PIEZO1: variants seen among roughly 807,000 people sequenced by gnomAD.
PIEZO1 encodes the protein piezo type mechanosensitive ion channel component 1 (Er blood group).
Under a neutral mutation model 297.2 loss-of-function variants are expected in PIEZO1, and 296 were observed. That is an observed-to-expected ratio of 1.00 (90% CI 0.91 to 1.10). The LOEUF (loss-of-function observed/expected upper bound fraction) is 1.10. Ranked by LOEUF, PIEZO1 falls within the 50% of genes least tolerant of loss-of-function variation. The pLI, the probability that PIEZO1 is intolerant of heterozygous loss-of-function variation, is 0.00. For missense variants in PIEZO1, 5,018 were observed against 3,455.5 expected, an observed-to-expected ratio of 1.45 and a Z score of -11.34; for synonymous variants, 2,427 against 1,507.5, an observed-to-expected ratio of 1.61 and a Z score of -14.13.
At position 88,735,268 on chromosome 16, in the gene PIEZO1, ACAGT is replaced by A. The variant is rs1361814282; in HGVS notation, c.1558-26_1558-23del. 4.6e-6 allele frequency: 7 copies of A among 1,517,278 alleles called. No homozygotes were observed. The African/African-American group carries it at 5.5e-5, about 12-fold the overall frequency. 94.0% of individuals were successfully genotyped at this position (1,517,278 alleles called of 1,614,324 possible). A position where few individuals can be genotyped will look rare whatever the true frequency, so the allele number is the denominator to read the frequency against. ...GCAACTGTGACAAGCGCAGGGTGTC[ACAGT>A]CAGCCGGGGGGCCCAGCACCCCTCC... On this transcript the variant is annotated intron_variant, in intron 12 of 50. Transcript: ENST00000301015.
chr16:88,775,726 CA>C (rs3052234), intron 1 of PIEZO1, among the ~76,000 whole-genome samples: 1,569 of 98,696 alleles, frequency 0.016, 31 homozygotes, highest in African/African-American at 0.066. Context: ...AAGACGCTGT[CA>C]AAAAAAAAAA....
At position 88,722,397 on chromosome 16, in the gene PIEZO1, A is replaced by T; in HGVS notation, c.4776T>A (p.Ser1592Arg). 1 of 1,493,866 alleles carries T rather than the reference A, an allele frequency of 6.7e-7. No individual in the cohort carries two copies. The highest frequency in any genetic ancestry group is 9.0e-7 in the Non-Finnish European group (1 of 1,117,274). The allele number at this position is 1,493,866 out of a possible 1,614,324, so 92.5% of individuals were successfully genotyped here. A position where few individuals can be genotyped will look rare whatever the true frequency, so the allele number is the denominator to read the frequency against. Residue 1592 changes from serine (S) to arginine (R), a missense_variant and splice_region_variant, in exon 36 of 51, where the codon AGT (serine) becomes AGA (arginine). Transcript: ENST00000301015. Reference protein sequence around the residue: ...EAPNAPSTVSSGLGAEEPLSS... With the variant: ...EAPNAPSTVSRGLGAEEPLSS... ...TGAGTGGCTCCTCCGCGCCCAGCCC[A>T]CTGGGGAGGGAAGCCGAGTCACAGA...
At position 88,733,400 on chromosome 16, in the gene PIEZO1, G is replaced by T; in HGVS notation, c.2542C>A (p.Pro848Thr). Residue 848 changes from proline (P) to threonine (T), a missense_variant, in exon 19 of 51, where the codon CCA (proline) becomes ACA (threonine). Physicochemically the swap from Pro to Thr is conservative, Grantham distance 38 (BLOSUM62 -1). Coordinates refer to ENST00000301015, the MANE Select transcript of PIEZO1 (RefSeq NM_001142864.4). ...CAGGAGGCCATGGGCCGGAAGCGTG[G>T]GTAGGGCAGGGCGAAGGCCCACAGC... ...VVLWAFALPY[P>T]RFRPMASCLS... The T allele has an allele frequency of 6.5e-7, 1 of 1,550,160 alleles. No homozygotes were observed.
rs117574352 is a variant in PIEZO1 at position 88,735,372 on chromosome 16, C to T, written c.1558-126G>A. 4.1e-4 allele frequency: 276 copies of T among 680,244 alleles called. 2 individuals carry two copies. In the East Asian group the frequency reaches 6.7e-3, roughly 17 times the overall value. 42.1% of individuals were successfully genotyped at this position (680,244 alleles called of 1,614,324 possible). A position where few individuals can be genotyped will look rare whatever the true frequency, so the allele number is the denominator to read the frequency against. On this transcript the variant is annotated intron_variant, in intron 12 of 50. Coordinates refer to ENST00000301015, the MANE Select transcript of PIEZO1 (RefSeq NM_001142864.4). ...AGGCGGCTGGCACCAGCCCATCCAC[C>T]GCAGCCTCCCCACAGGCACCGAACA...
At chr16:88,760,493 C>T (rs927747060) in intron 1 of PIEZO1, among the ~76,000 whole-genome samples, 4 of 152,274 alleles carry the variant, frequency 2.6e-5, no homozygotes, top group African/African-American at 9.6e-5. Flanking sequence ...CCTAGGAGAG[C>T]TTTGTCCAAA....
chr16:88,735,580 C>T (rs906822441), intron 12 of PIEZO1, among the ~76,000 whole-genome samples: 4 of 152,276 alleles, frequency 2.6e-5, no homozygotes, highest in South Asian at 2.1e-4. Flanking sequence ...TGCCCACATG[C>T]GTGCTCACAT....
rs1237168555 is a variant in PIEZO1 at position 88,741,861 on chromosome 16, G to T, written c.326+192C>A. On this transcript the variant is annotated intron_variant, in intron 4 of 50. Transcript: ENST00000301015. ...CCAGGTGCGGGTGGGAGTGTGGATG[G>T]GTCTCCAGGTGCGGGTGAGAGTGTG... is the stretch of plus-strand genomic sequence containing the variant. 3 of 244,706 alleles carry T rather than the reference G, an allele frequency of 1.2e-5. 1 individual carries two copies. The highest frequency in any genetic ancestry group is 2.5e-5 in the Non-Finnish European group (3 of 120,788). The allele number at this position is 244,706 out of a possible 1,614,324, so 15.2% of individuals were successfully genotyped here.
intron 1 of PIEZO1, among the ~76,000 whole-genome samples, chr16:88,771,661 A>T (rs887616701): frequency 6.6e-6 from 1 of 152,186 alleles, no homozygotes; most frequent in Non-Finnish European, 1.5e-5. Flanking sequence ...GGCCATAGGG[A>T]GGTGCTGGGT....
chr16:88,748,498 C>A (rs989351218), intron 2 of PIEZO1, among the ~76,000 whole-genome samples: 9 of 151,626 alleles, frequency 5.9e-5, no homozygotes, highest in African/African-American at 9.7e-5. Context: ...TCCCCCCCCC[C>A]CCCGCACAAG....
chr16:88,762,252 G>A (rs1404796116), intron 1 of PIEZO1, among the ~76,000 whole-genome samples: 2 of 150,702 alleles, frequency 1.3e-5, no homozygotes, highest in African/African-American at 4.9e-5. Context: ...GCTGAAGAAA[G>A]GGCCCCCGCT....
rs1332867825 is a variant in PIEZO1 at position 88,715,354 on chromosome 16, T to G, written c.*251A>C. 2 of 1,255,660 alleles carry G rather than the reference T, an allele frequency of 1.6e-6. No homozygotes were observed. The highest frequency in any genetic ancestry group is 2.8e-5 in the South Asian group (2 of 72,458). The allele number at this position is 1,255,660 out of a possible 1,614,324, so 77.8% of individuals were successfully genotyped here. A position where few individuals can be genotyped will look rare whatever the true frequency, so the allele number is the denominator to read the frequency against. ...GGACTGGCCTCTGATTGTCCATTTG[T>G]ATAAATAAAACATTTTTTAATTAAA... is the stretch of plus-strand genomic sequence containing the variant. On this transcript the variant is annotated 3_prime_UTR_variant, in exon 51 of 51. Coordinates refer to ENST00000301015, the MANE Select transcript of PIEZO1 (RefSeq NM_001142864.4).
chr16:88,744,891 G>A (rs914208780), intron 2 of PIEZO1, among the ~76,000 whole-genome samples: 2 of 152,180 alleles, frequency 1.3e-5, no homozygotes, highest in South Asian at 2.1e-4. Context: ...GGAGGGGGCC[G>A]GAACGTGCAG....
At position 88,723,165 on chromosome 16, in the gene PIEZO1, G is replaced by A; in HGVS notation, c.4439-14C>T. The A allele has an allele frequency of 1.3e-6, 2 of 1,549,424 alleles. No individual in the cohort carries two copies. ...TGGGACCACCTCCTGGGCACAGGAT[G>A]CTGGTGAGTGACTGGCAGTCCCGCG... On this transcript the variant is annotated splice_polypyrimidine_tract_variant and intron_variant, in intron 32 of 50. Coordinates refer to ENST00000301015, the MANE Select transcript of PIEZO1 (RefSeq NM_001142864.4).
At chr16:88,735,520 C>G (rs1456663626) in intron 12 of PIEZO1, among the ~76,000 whole-genome samples, 1 of 152,284 alleles carries the variant, frequency 6.6e-6, no homozygotes, top group African/African-American at 2.4e-5. Flanking sequence ...CACGTGGGCA[C>G]AGATCCATGC....
At position 88,732,854 on chromosome 16, in the gene PIEZO1, G is replaced by A. The variant is rs950453655; in HGVS notation, c.2665-122C>T. 68 of 1,034,614 alleles carry A rather than the reference G, an allele frequency of 6.6e-5. 1 individual carries two copies. The highest frequency in any genetic ancestry group is 1.0e-4 in the South Asian group (6 of 58,960). The allele number at this position is 1,034,614 out of a possible 1,614,324, so 64.1% of individuals were successfully genotyped here. A position where few individuals can be genotyped will look rare whatever the true frequency, so the allele number is the denominator to read the frequency against. On this transcript the variant is annotated intron_variant, in intron 19 of 50. Transcript: ENST00000301015. Reference sequence around the variant, plus strand: ...CTGCTCCCCAGCCAGGGACACGGGGGCTGCCAGCCTTGGAGCCACCTTCAC... The same window carrying A: ...CTGCTCCCCAGCCAGGGACACGGGGACTGCCAGCCTTGGAGCCACCTTCAC...
chr16:88,723,300 G>C lies in PIEZO1; in HGVS notation c.4364C>G (p.Ala1455Gly). 6.5e-7 allele frequency: 1 copy of C among 1,539,828 alleles called. No individual in the cohort carries two copies. The highest frequency in any genetic ancestry group is 8.7e-7 in the Non-Finnish European group (1 of 1,146,768). Reference sequence around the variant, plus strand: ...CTGCCGCCGCCTCAGCACCGCCTGGGCGTTGGTCACCCATGCCTGGTACGC... The same window carrying C: ...CTGCCGCCGCCTCAGCACCGCCTGGCCGTTGGTCACCCATGCCTGGTACGC... ...QLAYQAWVTN[A>G]QAVLRRRQQE... Residue 1455 changes from alanine (A) to glycine (G), a missense_variant, in exon 32 of 51, where the codon GCC becomes GGC. Physicochemically the swap from Ala to Gly is moderately conservative, Grantham distance 60 (BLOSUM62 0). Coordinates refer to ENST00000301015, the MANE Select transcript of PIEZO1 (RefSeq NM_001142864.4).
intron 18 of PIEZO1, 54 bp downstream of exon 18, chr16:88,733,521 GAGGCCAGCTGGGC>G (rs1905012629): frequency 1.3e-6 from 2 of 1,529,534 alleles, no homozygotes; most frequent in African/African-American, 1.4e-5. Context: ...TGGGCTTGGG[GAGGCCAGCTGGGC>G]AGGCCAGAGC....
At chr16:88,773,783 G>A (rs1260533439) in intron 1 of PIEZO1, among the ~76,000 whole-genome samples, 1 of 152,050 alleles carries the variant, frequency 6.6e-6, no homozygotes, top group East Asian at 1.9e-4. Context: ...GAGGGCTCCG[G>A]CCACCCTGCA....
intron 1 of PIEZO1, among the ~76,000 whole-genome samples, chr16:88,759,365 G>A (rs974247281): frequency 5.9e-5 from 9 of 152,348 alleles, no homozygotes; most frequent in South Asian, 2.1e-4. Flanking sequence ...CAGAGTTCGC[G>A]GATGACAGCT....
Sources: gnomAD v4.1 joint callset for allele counts (sites outside exome capture counted in the v4.1 genomes callset) on GRCh38, gnomAD v4.1.1 for gene constraint, MANE v1.5 for transcripts, NCBI Gene and HGNC (gene_info 2026-07-23, HGNC 2026-07-21) for gene names.